ZBBX: variants seen among roughly 807,000 people sequenced by gnomAD.
ZBBX encodes zinc finger B-box domain containing.
Under a neutral mutation model 108.5 loss-of-function variants are expected in ZBBX, and 101 were observed. That is an observed-to-expected ratio of 0.93 (90% confidence interval 0.79 to 1.10). The LOEUF is 1.10. Ranked by LOEUF, ZBBX falls within the 50% of genes least tolerant of loss-of-function variation. The probability of loss-of-function intolerance (pLI) is 0.00; values close to 1 mark genes in which losing one functional copy is unlikely to be tolerated. For synonymous variants in ZBBX, 356 were observed against 323.4 expected (o/e 1.10, Z -1.08); for missense variants, 1,009 against 941.4 (o/e 1.07, Z -0.94).
the ZBBX span, among the ~76,000 whole-genome samples, chr3:167,231,069 T>C: frequency 6.6e-6 from 1 of 151,798 alleles, no homozygotes; most frequent in Non-Finnish European, 1.5e-5. Flanking sequence ...GTAAATAGTG[T>C]TGTCAATTAT....
intron 4 of ZBBX, among the ~76,000 whole-genome samples, chr3:167,369,316 T>C (rs1197707212): frequency 6.6e-6 from 1 of 152,220 alleles, no homozygotes; most frequent in Admixed American, 6.5e-5. Flanking sequence ...AGTGTTTTAC[T>C]ACAATCAAGC....
intron 5 of ZBBX, among the ~76,000 whole-genome samples, chr3:167,366,421 T>G (rs1024919231): frequency 8.6e-5 from 13 of 151,956 alleles, no homozygotes; most frequent in Non-Finnish European, 1.3e-4. Flanking sequence ...ATCTCCCACA[T>G]TGAAACATAA....
intron 2 of ZBBX, among the ~76,000 whole-genome samples, chr3:167,374,277 G>T (rs1247952127): frequency 6.6e-6 from 1 of 152,006 alleles, no homozygotes; most frequent in African/African-American, 2.4e-5. Flanking sequence ...ATTTTAGAAA[G>T]AATTTTTCAA....
chr3:167,258,614 C>T (rs1226329536), intron 20 of ZBBX, among the ~76,000 whole-genome samples: 3 of 152,008 alleles, frequency 2.0e-5, no homozygotes, highest in Admixed American at 6.6e-5. Flanking sequence ...TCAACTTTTC[C>T]CCAGATGGCT....
chr3:167,269,633 G>T (rs373522973), intron 20 of ZBBX, among the ~76,000 whole-genome samples: 1 of 152,194 alleles, frequency 6.6e-6, no homozygotes, highest in South Asian at 2.1e-4. Flanking sequence ...TAGGGTTAAA[G>T]CCCATAATTG....
the ZBBX span, among the ~76,000 whole-genome samples, chr3:167,214,756 C>A: frequency 6.6e-6 from 1 of 152,062 alleles, no homozygotes; most frequent in African/African-American, 2.4e-5. Flanking sequence ...AAATCCTCAG[C>A]AAATGTAAAA....
At chr3:167,295,344 G>A (rs924516631) in intron 18 of ZBBX, among the ~76,000 whole-genome samples, 1 of 151,984 alleles carries the variant, frequency 6.6e-6, no homozygotes, top group Non-Finnish European at 1.5e-5. Context: ...TATACACCAT[G>A]GAATATTATA....
chr3:167,315,595 T>C (rs546308592), intron 15 of ZBBX, among the ~76,000 whole-genome samples, 155 bp downstream of exon 15: 1 of 152,338 alleles, frequency 6.6e-6, no homozygotes, highest in South Asian at 2.1e-4. Context: ...CAATATTGTA[T>C]ACATATTTAA....
intron 12 of ZBBX, among the ~76,000 whole-genome samples, chr3:167,321,542 C>A (rs1023852602): frequency 1.3e-5 from 2 of 151,876 alleles, no homozygotes; most frequent in Non-Finnish European, 2.9e-5. Context: ...CAAAAAAAGA[C>A]CAGAGACCAG....
At chr3:167,261,155 GC>G (rs1372426608) in intron 20 of ZBBX, among the ~76,000 whole-genome samples, 1 of 152,154 alleles carries the variant, frequency 6.6e-6, no homozygotes, top group Non-Finnish European at 1.5e-5. Context: ...ACTGGGTGTT[GC>G]CTGCCCAGCA....
At chr3:167,391,128 C>A (rs868395804) in intron 1 of ZBBX, among the ~76,000 whole-genome samples, 1 of 151,784 alleles carries the variant, frequency 6.6e-6, no homozygotes, top group Non-Finnish European at 1.5e-5. Context: ...GGTTTGTCAA[C>A]AATAGCTTTT....
In ZBBX at chr3:167,305,680, G is replaced by T. The variant is rs1346726026; in HGVS notation, c.1688C>A (p.Pro563Gln). 1 of 1,581,828 alleles carries T rather than the reference G, an allele frequency of 6.3e-7. No homozygotes were observed. Among genetic ancestry groups the T allele is most frequent in the South Asian group, 1.2e-5 (1 of 83,484 alleles). ...TGTAGTTTTTGATTCTTCAAAGCTTGGCCTCTTATACAGATTGCTCAATTC... is the reference window on the plus strand; with the variant it reads ...TGTAGTTTTTGATTCTTCAAAGCTTTGCCTCTTATACAGATTGCTCAATTC... ...SLELSNLYKR[P>Q]SFEESKTTKS... The change falls in exon 17 of 22, where the codon CCA becomes CAA. Residue 563 changes from proline (P) to glutamine (Q), a missense_variant. By Grantham distance (76) the Pro-to-Gln change is moderately conservative (BLOSUM62 -1). Coordinates refer to ENST00000675490, the MANE Select transcript of ZBBX (RefSeq NM_001199201.2).
the ZBBX span, among the ~76,000 whole-genome samples, chr3:167,185,064 T>C: frequency 2.6e-5 from 4 of 152,194 alleles, no homozygotes; most frequent in African/African-American, 4.8e-5. Context: ...AAATACCCTA[T>C]ACATTAATGT....
intron 20 of ZBBX, among the ~76,000 whole-genome samples, chr3:167,279,382 A>G (rs1728331497): frequency 6.6e-6 from 1 of 152,080 alleles, no homozygotes; most frequent in East Asian, 1.9e-4. Context: ...TTAAGCTGAT[A>G]AGCAACTTCA....
At chr3:167,385,067 T>C (rs1747867217), upstream of ZBBX, among the ~76,000 whole-genome samples, 2 of 152,092 alleles carry the variant, frequency 1.3e-5, no homozygotes. Flanking sequence ...ATTTTCACTA[T>C]AACCTCAATT....
chr3:167,301,061 T>TTC (rs1732582992), intron 17 of ZBBX, among the ~76,000 whole-genome samples: 1 of 152,096 alleles, frequency 6.6e-6, no homozygotes, highest in African/African-American at 2.4e-5. Flanking sequence ...TTTTTTCTAA[T>TTC]TCTCTCTCTC....
At chr3:167,284,485 T>C (rs73879653) in intron 19 of ZBBX, among the ~76,000 whole-genome samples, 2,618 of 152,108 alleles carry the variant, frequency 0.017, 73 homozygotes, top group African/African-American at 0.06. Flanking sequence ...AATTCACAAC[T>C]CTTTAAAAAA....
intron 1 of ZBBX, among the ~76,000 whole-genome samples, chr3:167,393,426 A>G (rs901006019): frequency 1.3e-5 from 2 of 151,834 alleles, no homozygotes; most frequent in Non-Finnish European, 2.9e-5. Context: ...TATTTTATTC[A>G]TTTTTATTGA....
rs1726386693 is a variant in ZBBX at position 167,270,792 on chromosome 3, G to T, written c.2254+11446C>A. ...TGACTCCAGAATCCTGAAATATGAA[G>T]TTATTTTGCTGGAAAAAGATGATTT... On this transcript the variant is annotated intron_variant, in intron 20 of 21. Transcript: ENST00000675490. 2.6e-5 allele frequency among the ~76,000 whole-genome samples: 4 copies of T among 152,174 alleles called. No individual in the cohort carries two copies. The South Asian group carries it at 6.2e-4, about 24-fold the overall frequency.
Sources: gnomAD v4.1 joint callset for allele counts (sites outside exome capture counted in the v4.1 genomes callset) on GRCh38, gnomAD v4.1.1 for gene constraint, MANE v1.5 for transcripts, NCBI Gene and HGNC (gene_info 2026-07-23, HGNC 2026-07-21) for gene names.